Variants in RNF128 observed in about 807,000 individuals in gnomAD.
RNF128 encodes E3 ubiquitin-protein ligase RNF128.
A neutral mutation model predicts 26.2 loss-of-function variants in RNF128; 13 were observed. The observed-to-expected ratio is 0.50, with a 90% confidence interval of 0.32 to 0.79. The LOEUF is 0.79. Ranked by LOEUF, RNF128 falls within the 30% of genes least tolerant of loss-of-function variation. The pLI is 0.03. For missense variants in RNF128, 315 were observed against 349.7 expected (o/e 0.90, Z 0.79); for synonymous variants, 149 against 142.5 (o/e 1.05, Z -0.32).
intron 1 of RNF128, among the ~76,000 whole-genome samples, chrX:106,770,400 G>A (rs1297489455): frequency 2.7e-5 from 3 of 111,459 alleles, no homozygotes; most frequent in African/African-American, 9.8e-5. Flanking sequence ...CGTAGATTTG[G>A]TCTTTTCACA....
At chrX:106,791,842 T>A (rs1490626918) in intron 6 of RNF128, among the ~76,000 whole-genome samples, 1 of 111,510 alleles carries the variant, frequency 9.0e-6, no homozygotes, top group East Asian at 2.8e-4. Flanking sequence ...GTTCTGTTTT[T>A]CCCTATAAAG....
chrX:106,698,526 C>T (rs768182083), intron 1 of RNF128, among the ~76,000 whole-genome samples: 5 of 111,514 alleles, frequency 4.5e-5, no homozygotes, highest in Admixed American at 1.9e-4. Flanking sequence ...CAAAAAACTT[C>T]GGTAAAACTA....
At chrX:106,788,481 A>G (rs1366912356) in intron 4 of RNF128, among the ~76,000 whole-genome samples, 2 of 54,565 alleles carry the variant, frequency 3.7e-5, no homozygotes, top group African/African-American at 7.6e-5. Context: ...AATTGTAATT[A>G]TATATTATAA....
chrX:106,765,973 G>A (rs1038151249), intron 1 of RNF128, among the ~76,000 whole-genome samples: 1 of 107,715 alleles, frequency 9.3e-6, no homozygotes, highest in African/African-American at 3.4e-5. Context: ...GCGGTGTTTG[G>A]TTTTCTGTCT....
intron 6 of RNF128, among the ~76,000 whole-genome samples, chrX:106,794,536 A>G (rs1406353580): frequency 1.8e-5 from 2 of 110,738 alleles, no homozygotes; most frequent in Non-Finnish European, 3.8e-5. Context: ...TTAACCTTGT[A>G]CTTTCCCTCT....
chrX:106,794,320 G>A (rs1436671353), intron 6 of RNF128, among the ~76,000 whole-genome samples: 1 of 111,438 alleles, frequency 9.0e-6, no homozygotes, highest in African/African-American at 3.3e-5. Flanking sequence ...GGTAACACAA[G>A]GTGTTCTAGG....
intron 2 of RNF128, among the ~76,000 whole-genome samples, chrX:106,774,681 G>A (rs1371808882): frequency 8.9e-6 from 1 of 111,959 alleles, no homozygotes; most frequent in Non-Finnish European, 1.9e-5. Context: ...CCCAGTCAAA[G>A]CCACCATAAT....
intron 1 of RNF128, among the ~76,000 whole-genome samples, chrX:106,753,011 G>C (rs1383516488): frequency 9.0e-6 from 1 of 111,403 alleles, no homozygotes; most frequent in Non-Finnish European, 1.9e-5. Flanking sequence ...AAAATACACA[G>C]TCAGAGGAGA....
At chrX:106,703,433 G>A (rs1209383313) in intron 1 of RNF128, among the ~76,000 whole-genome samples, 1 of 111,490 alleles carries the variant, frequency 9.0e-6, no homozygotes, top group African/African-American at 3.3e-5. Context: ...CTGAGACACA[G>A]AGAGATTGGT....
At chrX:106,717,799 C>T (rs763560731) in intron 1 of RNF128, among the ~76,000 whole-genome samples, 70 of 112,146 alleles carry the variant, frequency 6.2e-4, no homozygotes, top group African/African-American at 2.0e-3. Flanking sequence ...AAGTGGGATT[C>T]GTCTAGCACA....
intron 1 of RNF128, among the ~76,000 whole-genome samples, chrX:106,694,817 T>C (rs779411570): frequency 6.6e-4 from 74 of 111,832 alleles, no homozygotes; most frequent in African/African-American, 2.2e-3. Context: ...GCAAAACAGT[T>C]TCATTATGCT....
intron 1 of RNF128, among the ~76,000 whole-genome samples, chrX:106,738,975 T>A (rs1459775777): frequency 8.9e-6 from 1 of 111,835 alleles, no homozygotes; most frequent in East Asian, 2.8e-4. Flanking sequence ...AAACCCTGTT[T>A]GACTTTGTTC....
At chrX:106,714,263 A>AT (rs1020384380) in intron 1 of RNF128, among the ~76,000 whole-genome samples, 12 of 110,131 alleles carry the variant, frequency 1.1e-4, no homozygotes, top group Admixed American at 4.8e-4. Flanking sequence ...AAACACGGTG[A>AT]TTTTTTTTTA....
intron 1 of RNF128, among the ~76,000 whole-genome samples, chrX:106,708,337 T>C (rs1283852178): frequency 8.9e-6 from 1 of 112,176 alleles, no homozygotes; most frequent in Admixed American, 9.5e-5. Flanking sequence ...ATAAAGTGCT[T>C]ACACCCACAC....
At chrX:106,763,828 T>A (rs1930163903) in intron 1 of RNF128, among the ~76,000 whole-genome samples, 1 of 110,406 alleles carries the variant, frequency 9.1e-6, no homozygotes, top group Non-Finnish European at 1.9e-5. Context: ...TTTTTAATAG[T>A]TGGACTGTAT....
chrX:106,746,593 AT>A (rs1929799243), intron 1 of RNF128, among the ~76,000 whole-genome samples: 1 of 111,235 alleles, frequency 9.0e-6, no homozygotes, highest in African/African-American at 3.3e-5. Context: ...GTGAATAATA[AT>A]TTTTCCCCAA....
At chrX:106,787,706 C>T (rs1267812154) in intron 3 of RNF128, among the ~76,000 whole-genome samples, 1 of 110,867 alleles carries the variant, frequency 9.0e-6, no homozygotes, top group Non-Finnish European at 1.9e-5. Context: ...TTCTGTTCCC[C>T]TTTTGTTTCA....
intron 2 of RNF128, among the ~76,000 whole-genome samples, chrX:106,780,684 T>G (rs1183922070): frequency 2.7e-5 from 3 of 112,049 alleles, no homozygotes; most frequent in Non-Finnish European, 3.8e-5. Flanking sequence ...TAAATTTCCT[T>G]CGTTTGTCTT....
At chrX:106,769,864 G>T (rs367606456) in intron 1 of RNF128, among the ~76,000 whole-genome samples, 9 of 110,945 alleles carry the variant, frequency 8.1e-5, no homozygotes, top group African/African-American at 3.0e-4. Flanking sequence ...TTACAATTTC[G>T]CATGCTTTTG....
Sources: gnomAD v4.1 joint callset for allele counts (sites outside exome capture counted in the v4.1 genomes callset) on GRCh38, gnomAD v4.1.1 for gene constraint, MANE v1.5 for transcripts, NCBI Gene and HGNC (gene_info 2026-07-23, HGNC 2026-07-21) for gene names.